The following ITPR3 variants were observed in gnomAD, a reference collection of about 807,000 sequenced individuals.
ITPR3 encodes the protein inositol 1,4,5-trisphosphate receptor type 3.
A neutral mutation model predicts 293.2 loss-of-function variants in ITPR3; 173 were observed. That is an observed-to-expected ratio of 0.59 (90% CI 0.52 to 0.67). The LOEUF is 0.67. Ranked by LOEUF, ITPR3 falls within the 30% of genes least tolerant of loss-of-function variation. The pLI is 0.00. For synonymous variants in ITPR3, 1,295 were observed against 1,444.4 expected, an observed-to-expected ratio of 0.90 and a Z score of 2.35; for missense variants, 2,796 against 3,592.1, an observed-to-expected ratio of 0.78 and a Z score of 5.66.
rs1765272308 is a variant in ITPR3, at chr6:33,687,684, G to A, written c.6264+120G>A. 3 of 816,672 alleles carry A rather than the reference G, an allele frequency of 3.7e-6. No homozygotes were observed. Among genetic ancestry groups the A allele is most frequent in the African/African-American group, 3.4e-5 (2 of 58,906 alleles). The allele number at this position is 816,672 out of a possible 1,614,324, so 50.6% of individuals were successfully genotyped here. ...TAGAATATGAGCCAGGCTAGAATTT[G>A]GGGGTACAGCTCAGGGGGCTGATTG... On this transcript the variant is annotated intron_variant, in intron 46 of 57. Transcript: ENST00000605930. This position sits in a 1 kb window ranked among gnomAD's most constrained non-coding sequence, Gnocchi z 5.3.
At chr6:33,647,939 C>T (rs1019819179) in intron 2 of ITPR3, among the ~76,000 whole-genome samples, 8 of 152,190 alleles carry the variant, frequency 5.3e-5, no homozygotes, top group African/African-American at 1.2e-4. Context: ...CCCCCGCTGC[C>T]GTTGTATCAT....
In ITPR3 at chr6:33,687,449, C is replaced by A; in HGVS notation, c.6178-29C>A. 6.3e-7 allele frequency: 1 copy of A among 1,586,558 alleles called. No individual in the cohort carries two copies. Among genetic ancestry groups the A allele is most frequent in the Non-Finnish European group, 8.6e-7 (1 of 1,161,864 alleles). On this transcript the variant is annotated intron_variant, in intron 45 of 57. Transcript: ENST00000605930. This position sits in a 1 kb window ranked among gnomAD's most constrained non-coding sequence, Gnocchi z 5.3. Reference sequence around the variant, plus strand: ...CCACCATGTCCCCCAGCCACCACACCCTGGTGACTGTGCTGCCATTTCCCT... The same window carrying A: ...CCACCATGTCCCCCAGCCACCACACACTGGTGACTGTGCTGCCATTTCCCT...
chr6:33,639,430 A>AGGTAC (rs1214941766), intron 1 of ITPR3, among the ~76,000 whole-genome samples: 1 of 151,304 alleles, frequency 6.6e-6, no homozygotes, highest in Non-Finnish European at 1.5e-5. Flanking sequence ...CAGGGAGAGG[A>AGGTAC]GGTACAGAAG....
chr6:33,637,790 C>G (rs1763859373), intron 1 of ITPR3, among the ~76,000 whole-genome samples: 1 of 151,310 alleles, frequency 6.6e-6, no homozygotes, highest in Admixed American at 6.6e-5. Flanking sequence ...TGCCACCACA[C>G]CCGGCTAATT....
chr6:33,629,454 T>TCC (rs143611859), intron 1 of ITPR3, among the ~76,000 whole-genome samples: 1 of 37,142 alleles, frequency 2.7e-5, no homozygotes, highest in Non-Finnish European at 5.4e-5. Context: ...TGGGCCCAGG[T>TCC]TGTCTGTGTT....
chr6:33,670,359 GA>G lies in ITPR3; in HGVS notation c.2225del (p.Asp742AlafsTer18). On this transcript the variant is annotated frameshift_variant, in exon 19 of 58. Coordinates refer to ENST00000605930, the MANE Select transcript of ITPR3 (RefSeq NM_002224.4). LOFTEE classifies it high-confidence loss of function. The surrounding 1 kb of genome is among the most constrained non-coding windows in gnomAD (Gnocchi z 6.7). The stretch of plus-strand genomic sequence containing the variant: ...GAAGCTCTTTGCCCGCATGTGCTTG[GA>G]CCGCCAGTACTTGGCCATCGACGAG... ...QLKLFARMCLDRQYLAIDEIS... is the reference protein window; with the variant it reads ...QLKLFARMCLXRQYLAIDEIS... 6.2e-7 allele frequency: 1 copy of G among 1,614,040 alleles called. No individual in the cohort carries two copies. The highest frequency in any genetic ancestry group is 8.5e-7 in the Non-Finnish European group (1 of 1,180,038).
intron 47 of ITPR3, 23 bp downstream of exon 47, chr6:33,688,190 C>T (rs200196263): frequency 1.9e-5 from 30 of 1,613,734 alleles, no homozygotes; most frequent in East Asian, 6.7e-5. Flanking sequence ...GCAGCAGGGG[C>T]GGGCGTGGGA....
chr6:33,658,559 A>G lies in ITPR3; in HGVS notation c.370-111A>G. The stretch of plus-strand genomic sequence containing the variant: ...ATGTTTGTGACAGGTGTCTGACACT[A>G]TGTGTGCAGCCAGAATGTGACCAAG... On this transcript the variant is annotated intron_variant, in intron 4 of 57. Coordinates refer to ENST00000605930, the MANE Select transcript of ITPR3 (RefSeq NM_002224.4). The surrounding 1 kb of genome is among the most constrained non-coding windows in gnomAD (Gnocchi z 6.1). The G allele has an allele frequency of 3.9e-6, 5 of 1,266,608 alleles. No individual in the cohort carries two copies. Among genetic ancestry groups the G allele is most frequent in the South Asian group, 1.4e-5 (1 of 71,380 alleles). The allele number at this position is 1,266,608 out of a possible 1,614,324, so 78.5% of individuals were successfully genotyped here.
chr6:33,665,305 G>T, intron 13 of ITPR3, 92 bp downstream of exon 13: 1 of 1,500,190 alleles, frequency 6.7e-7, no homozygotes, highest in Non-Finnish European at 9.0e-7. Context: ...CAGAAGCTGG[G>T]CAAACTGGGG....
At chr6:33,628,303 T>TG (rs1321683182) in intron 1 of ITPR3, among the ~76,000 whole-genome samples, 1 of 151,410 alleles carries the variant, frequency 6.6e-6, no homozygotes, top group East Asian at 1.9e-4. Context: ...AAACCTGGGG[T>TG]GGGGGAAGGA....
chr6:33,688,312 A>G lies in ITPR3; in HGVS notation c.6449A>G (p.Glu2150Gly). The G allele has an allele frequency of 6.2e-7, 1 of 1,614,146 alleles. No homozygotes were observed. The highest frequency in any genetic ancestry group is 8.5e-7 in the Non-Finnish European group (1 of 1,180,016). Residue 2150 changes from glutamate to glycine, a missense_variant, in exon 48 of 58, where the codon GAA becomes GGA. Physicochemically the swap from Glu to Gly is moderately conservative, Grantham distance 98. Coordinates refer to ENST00000605930, the MANE Select transcript of ITPR3 (RefSeq NM_002224.4). ...GGCATCTGCCAGTTCCTGACGGAGG[A>G]AACCAAGCACCGGCTCTTCACCACT... is the stretch of plus-strand genomic sequence containing the variant. ...VPGICQFLTE[E>G]TKHRLFTTTE... is the part of the protein sequence containing the mutation.
At position 33,692,704 on chromosome 6, in the gene ITPR3, G is replaced by A; in HGVS notation, c.7459-24G>A. 1.9e-6 allele frequency: 3 copies of A among 1,611,780 alleles called. No homozygotes were observed. The highest frequency in any genetic ancestry group is 2.2e-5 in the South Asian group (2 of 90,868). On this transcript the variant is annotated intron_variant, in intron 54 of 57. Transcript: ENST00000605930. The surrounding 1 kb of genome is among the most constrained non-coding windows in gnomAD (Gnocchi z 4.2). ...GTGAATGTGGGGACCACCGGGCCCA[G>A]CCTCCCTGCCTCATCCCCTGCAGGA... is the stretch of plus-strand genomic sequence containing the variant.
intron 2 of ITPR3, among the ~76,000 whole-genome samples, chr6:33,643,351 C>T (rs1347450794): frequency 1.3e-5 from 2 of 152,244 alleles, no homozygotes; most frequent in Non-Finnish European, 2.9e-5. Flanking sequence ...CCACCCCCAC[C>T]TCGGGAAGGA....
At position 33,657,967 on chromosome 6, in the gene ITPR3, G is replaced by A. The variant is rs1764354842; in HGVS notation, c.318G>A (p.Thr106=). 7.4e-6 allele frequency: 12 copies of A among 1,613,770 alleles called. No homozygotes were observed. In the East Asian group the frequency reaches 1.3e-4, roughly 18 times the overall value. ...AAQMEQKQND[T]ENKKVHGDVV... The stretch of plus-strand genomic sequence containing the variant: ...AGATGGAGCAGAAGCAAAATGACAC[G>A]GAGAACAAGAAGGTGCATGGGGATG... The change falls in exon 4 of 58, where the codon ACG becomes ACA. Residue 106 remains threonine, a synonymous_variant. Transcript: ENST00000605930.
intron 3 of ITPR3, among the ~76,000 whole-genome samples, 187 bp from the exon 4 acceptor site, chr6:33,657,745 G>A (rs1764345416): frequency 6.6e-6 from 1 of 151,822 alleles, no homozygotes; most frequent in Non-Finnish European, 1.5e-5. Flanking sequence ...TCTGCACTCA[G>A]AGTGCAGCAC....
chr6:33,688,929 GC>G, intron 49 of ITPR3, 148 bp downstream of exon 49: 1 of 1,135,574 alleles, frequency 8.8e-7, no homozygotes, highest in Non-Finnish European at 1.3e-6. Context: ...GTGGGCTCTC[GC>G]CCCATCATGG....
rs758059491 is a variant in ITPR3 at position 33,684,400 on chromosome 6, C to T, written c.4981C>T (p.Leu1661=). ...TKDLMESEEK[L]CIKVLRTLQQ... ...GGACCTCATGGAGTCGGAGGAGAAG[C>T]TGTGCATCAAGGTGCTGCGGACCCT... Residue 1661 remains leucine (L), a synonymous_variant, in exon 37 of 58, where the codon CTG becomes TTG. Coordinates refer to ENST00000605930, the MANE Select transcript of ITPR3 (RefSeq NM_002224.4). This position sits in a 1 kb window ranked among gnomAD's most constrained non-coding sequence, Gnocchi z 4.2. 1.9e-6 allele frequency: 3 copies of T among 1,614,094 alleles called. No homozygotes were observed. The highest frequency in any genetic ancestry group is 1.6e-4 in the Middle Eastern group (1 of 6,062).
intron 2 of ITPR3, among the ~76,000 whole-genome samples, chr6:33,643,672 C>T (rs1362726699): frequency 6.6e-6 from 1 of 152,120 alleles, no homozygotes; most frequent in Non-Finnish European, 1.5e-5. Context: ...TAGCCCTTGT[C>T]TCCAGGTCTA....
At position 33,672,040 on chromosome 6, in the gene ITPR3, CGGCGGTCCATCCAG is replaced by C; in HGVS notation, c.2745_2758del (p.Ser916GlyfsTer29). 2 of 1,602,950 alleles carry C rather than the reference CGGCGGTCCATCCAG, an allele frequency of 1.2e-6. No homozygotes were observed. Among genetic ancestry groups the C allele is most frequent in the Non-Finnish European group, 1.7e-6 (2 of 1,173,394 alleles). Reference sequence around the variant, plus strand: ...TTCCCCCTCCACAGGCAAGAATGTGCGGCGGTCCATCCAGGGCGTGGGGCACATGATGTCCACCA... The same window carrying C: ...TTCCCCCTCCACAGGCAAGAATGTGCGGCGTGGGGCACATGATGTCCACCA... On this transcript the variant is annotated frameshift_variant, in exon 22 of 58. Coordinates refer to ENST00000605930, the MANE Select transcript of ITPR3 (RefSeq NM_002224.4). LOFTEE classifies it high-confidence loss of function. The surrounding 1 kb of genome is among the most constrained non-coding windows in gnomAD (Gnocchi z 5.0).
Sources: gnomAD v4.1 joint callset for allele counts (sites outside exome capture counted in the v4.1 genomes callset) on GRCh38, gnomAD v4.1.1 for gene constraint, Gnocchi (gnomAD v3.1) non-coding constraint, MANE v1.5 for transcripts, NCBI Gene and HGNC (gene_info 2026-07-23, HGNC 2026-07-21) for gene names.